Variants in SUCLA2 observed in about 807,000 individuals in gnomAD.
The protein encoded by SUCLA2 is succinate--CoA ligase [ADP-forming] subunit beta, mitochondrial.
SUCLA2 carries 30 observed loss-of-function variants against 54.8 expected under a neutral mutation model. That is an observed-to-expected ratio of 0.55 (90% CI 0.41 to 0.74). The LOEUF is 0.74. Among genes scored for constraint, SUCLA2 ranks in the 30% least tolerant of loss-of-function variants. The probability of loss-of-function intolerance (pLI) is 0.00; values close to 1 mark genes in which losing one functional copy is unlikely to be tolerated. For synonymous variants in SUCLA2, 172 were observed against 188.9 expected (o/e 0.91, Z 0.74); for missense variants, 476 against 562.9 (o/e 0.85, Z 1.56).
At chr13:47,971,486 A>T (rs561027490) in intron 5 of SUCLA2, 23 of 177,706 alleles carry the variant, frequency 1.3e-4, no homozygotes, top group Non-Finnish European at 2.5e-4. Flanking sequence ...TTAATTCGAT[A>T]GCAGCATTAC....
chr13:47,984,090 A>T (rs1950080325), intron 4 of SUCLA2, among the ~76,000 whole-genome samples: 1 of 152,236 alleles, frequency 6.6e-6, no homozygotes. Flanking sequence ...TTTCATGTTC[A>T]AACGACTTGG....
intron 2 of SUCLA2, among the ~76,000 whole-genome samples, chr13:47,995,584 G>A (rs1178375958): frequency 6.6e-6 from 1 of 152,016 alleles, no homozygotes; most frequent in Non-Finnish European, 1.5e-5. Flanking sequence ...TACACAAGAT[G>A]AATACTTTTA....
intron 10 of SUCLA2, among the ~76,000 whole-genome samples, chr13:47,946,291 T>C (rs1352933301): frequency 6.6e-6 from 1 of 152,240 alleles, no homozygotes; most frequent in South Asian, 2.1e-4. Context: ...TGGAACTATC[T>C]GTGATTCAGG....
intron 5 of SUCLA2, among the ~76,000 whole-genome samples, chr13:47,969,188 A>C (rs1011837583): frequency 6.6e-6 from 1 of 152,214 alleles, no homozygotes; most frequent in African/African-American, 2.4e-5. Flanking sequence ...CCTGGCCACC[A>C]CAGTGAAACC....
intron 6 of SUCLA2, among the ~76,000 whole-genome samples, chr13:47,964,837 A>G (rs1162042186): frequency 6.6e-6 from 1 of 152,060 alleles, no homozygotes; most frequent in African/African-American, 2.4e-5. Context: ...AGCCTGGGTG[A>G]CAGAGCAAGA....
chr13:47,979,861 A>G (rs914717744), intron 4 of SUCLA2, among the ~76,000 whole-genome samples: 3 of 152,224 alleles, frequency 2.0e-5, no homozygotes, highest in African/African-American at 7.2e-5. Flanking sequence ...AGATGTTGTC[A>G]TATGTAGAAA....
intron 6 of SUCLA2, among the ~76,000 whole-genome samples, chr13:47,968,218 C>A (rs1188846854): frequency 6.6e-6 from 1 of 152,148 alleles, no homozygotes; most frequent in Non-Finnish European, 1.5e-5. Context: ...ATATGGTAAC[C>A]ACATTTGGCT....
At chr13:47,946,917 C>T (rs1041270121) in intron 10 of SUCLA2, among the ~76,000 whole-genome samples, 2 of 152,060 alleles carry the variant, frequency 1.3e-5, no homozygotes, top group Non-Finnish European at 1.5e-5. Flanking sequence ...CAAGTATTAC[C>T]TCTTTAAAAA....
intron 10 of SUCLA2, among the ~76,000 whole-genome samples, chr13:47,948,392 C>T (rs9595823): frequency 0.014 from 2,062 of 151,260 alleles, 58 homozygotes; most frequent in African/African-American, 0.046. Context: ...TGTGTGTGTG[C>T]GCACATGTGT....
At chr13:47,955,081 T>C (rs1261350282) in intron 6 of SUCLA2, among the ~76,000 whole-genome samples, 1 of 152,158 alleles carries the variant, frequency 6.6e-6, no homozygotes, top group East Asian at 1.9e-4. Flanking sequence ...TACTCTTTAC[T>C]ACATAGCAAC....
At chr13:47,946,769 A>T (rs1474272735) in intron 10 of SUCLA2, among the ~76,000 whole-genome samples, 4 of 152,164 alleles carry the variant, frequency 2.6e-5, no homozygotes, top group African/African-American at 9.7e-5. Flanking sequence ...TCTTATTATA[A>T]AACTGTCATA....
In SUCLA2 at chr13:47,976,939, C is replaced by T. The variant is rs553290406; in HGVS notation, c.535-3547G>A. Among the ~76,000 whole-genome samples, 64 of 149,104 alleles carry T rather than the reference C, an allele frequency of 4.3e-4. 1 individual carries two copies. The highest frequency in any genetic ancestry group is 7.4e-4 in the Admixed American group (11 of 14,960). On this transcript the variant is annotated intron_variant, in intron 4 of 10. Coordinates refer to ENST00000646932, the MANE Select transcript of SUCLA2 (RefSeq NM_003850.3). Reference sequence around the variant, plus strand: ...AAACTAGAAAAAGAATAACTAAACCCAAAGTTGGCAAAAGGAAGAAAATCA... The same window carrying T: ...AAACTAGAAAAAGAATAACTAAACCTAAAGTTGGCAAAAGGAAGAAAATCA...
chr13:47,955,449 G>A (rs370830007), intron 6 of SUCLA2, among the ~76,000 whole-genome samples: 8 of 152,132 alleles, frequency 5.3e-5, no homozygotes, highest in African/African-American at 9.6e-5. Flanking sequence ...TAATCCACCC[G>A]CCTCAGCCTC....
intron 6 of SUCLA2, among the ~76,000 whole-genome samples, chr13:47,955,727 C>G (rs1298480465): frequency 6.6e-6 from 1 of 152,140 alleles, no homozygotes; most frequent in African/African-American, 2.4e-5. Context: ...CCACTCTAAT[C>G]AGGCTTTTAC....
chr13:47,997,730 C>T (rs1296154291), intron 1 of SUCLA2, among the ~76,000 whole-genome samples: 1 of 152,200 alleles, frequency 6.6e-6, no homozygotes, highest in African/African-American at 2.4e-5. Flanking sequence ...AATCTCAATA[C>T]AGAATGCAGT....
chr13:47,991,657 G>C (rs1950149934), intron 2 of SUCLA2: 1 of 152,154 alleles, frequency 6.6e-6, no homozygotes, highest in South Asian at 2.1e-4. Context: ...GTCTGGGAGA[G>C]TTCCTAGCAC....
At chr13:47,949,374 G>GAA in intron 9 of SUCLA2, 109 bp downstream of exon 9, 1 of 1,280,028 alleles carries the variant, frequency 7.8e-7, no homozygotes, top group Non-Finnish European at 1.1e-6. Context: ...ATTGTATAAT[G>GAA]CTTTCAAAGA....
chr13:47,970,102 C>A (rs1949950365), intron 5 of SUCLA2, among the ~76,000 whole-genome samples: 1 of 80,178 alleles, frequency 1.2e-5, no homozygotes, highest in South Asian at 2.9e-4. Context: ...ACTCTGTCTC[C>A]CCCCCACAAA....
intron 10 of SUCLA2, among the ~76,000 whole-genome samples, chr13:47,946,666 A>G (rs1451647663): frequency 6.6e-6 from 1 of 152,092 alleles, no homozygotes; most frequent in African/African-American, 2.4e-5. Context: ...ATTATTTCAC[A>G]TGAATTTTAA....
Sources: gnomAD v4.1 joint callset for allele counts (sites outside exome capture counted in the v4.1 genomes callset) on GRCh38, gnomAD v4.1.1 for gene constraint, MANE v1.5 for transcripts, NCBI Gene and HGNC (gene_info 2026-07-23, HGNC 2026-07-21) for gene names.